Variants in CSMD1 observed in about 807,000 individuals in gnomAD.
The protein encoded by CSMD1 is CUB and sushi domain-containing protein 1.
A neutral mutation model predicts 417.5 loss-of-function variants in CSMD1; 213 were observed. That is an observed-to-expected ratio of 0.51 (90% confidence interval 0.46 to 0.57). The LOEUF is 0.57. Ranked by LOEUF, CSMD1 falls within the 20% of genes least tolerant of loss-of-function variation. The pLI, the probability that CSMD1 is intolerant of heterozygous loss-of-function variation, is 0.00. For synonymous variants in CSMD1, 2,862 were observed against 1,736.8 expected, an observed-to-expected ratio of 1.65 and a Z score of -16.11; for missense variants, 6,923 against 4,529.7, an observed-to-expected ratio of 1.53 and a Z score of -15.17.
intron 6 of CSMD1, among the ~76,000 whole-genome samples, chr8:3,752,738 C>G (rs1010803090): frequency 2.1e-5 from 3 of 145,336 alleles, no homozygotes; most frequent in African/African-American, 7.7e-5. Flanking sequence ...CCCCTGGATT[C>G]TGAGGCAGGA....
chr8:3,567,782 G>A (rs1171993728), intron 10 of CSMD1, among the ~76,000 whole-genome samples: 3 of 152,028 alleles, frequency 2.0e-5, no homozygotes, highest in Admixed American at 6.6e-5. Flanking sequence ...CACACCCTCT[G>A]CTACTTGCCT....
In CSMD1 at chr8:3,307,712, G is replaced by T. The variant is rs1197326468; in HGVS notation, c.3933C>A (p.Asp1311Glu). The T allele has an allele frequency of 3.7e-6, 6 of 1,613,388 alleles. No individual in the cohort carries two copies. The highest frequency in any genetic ancestry group is 4.2e-6 in the Non-Finnish European group (5 of 1,179,634). ...NLHCTWIIEA[D>E]PGKTISLHFI... ...ACAAGTACCTAATGGTCTTTCCTGG[G>T]TCTGCCTCTATAATCCAGGTGCAGT... The change falls in exon 25 of 70, where the codon GAC (aspartate) becomes GAA (glutamate). Residue 1311 changes from aspartate (D) to glutamate (E), a missense_variant. By Grantham distance (45) the Asp-to-Glu change is conservative. Coordinates refer to ENST00000635120, the MANE Select transcript of CSMD1 (RefSeq NM_033225.6).
At chr8:3,754,463 T>G (rs1026316991) in intron 5 of CSMD1, among the ~76,000 whole-genome samples, 2 of 151,758 alleles carry the variant, frequency 1.3e-5, no homozygotes, top group Admixed American at 6.6e-5. Flanking sequence ...TTTATTTATT[T>G]ATTTATTTTG....
chr8:4,736,236 A>G (rs964778329), intron 1 of CSMD1, among the ~76,000 whole-genome samples: 1 of 152,202 alleles, frequency 6.6e-6, no homozygotes, highest in African/African-American at 2.4e-5. Context: ...AAATTTAAAA[A>G]GAGACGTAAA....
chr8:3,511,450 A>G (rs985434934), intron 10 of CSMD1, among the ~76,000 whole-genome samples: 4 of 151,722 alleles, frequency 2.6e-5, no homozygotes, highest in Non-Finnish European at 4.4e-5. Context: ...AAAGAAGAGA[A>G]GGTTTACTCA....
Position 3,470,792 on chromosome 8 carries a change from T to A in CSMD1, c.1449-1968A>T, listed in dbSNP as rs79655580. 1.5e-3 allele frequency among the ~76,000 whole-genome samples: 235 copies of A among 152,342 alleles called. 6 individuals are homozygous for A. In the East Asian group the frequency reaches 0.038, roughly 25 times the overall value. On this transcript the variant is annotated intron_variant, in intron 11 of 69. Transcript: ENST00000635120. ...AATCACAGTGTTTAACAACCTGGGA[T>A]TGGATTTTACTTAGCTTAATTCCTG...
At chr8:4,920,971 AAAG>A (rs746882135) in intron 1 of CSMD1, among the ~76,000 whole-genome samples, 12,524 of 24,102 alleles carry the variant, frequency 0.52, 2,383 homozygotes, top group Non-Finnish European at 0.57. Context: ...AGAAAGAAAG[AAAG>A]AAAGAAACAA....
intron 7 of CSMD1, among the ~76,000 whole-genome samples, chr8:3,666,239 G>A (rs922131118): frequency 1.3e-5 from 2 of 151,536 alleles, no homozygotes; most frequent in African/African-American, 4.8e-5. Flanking sequence ...ACACTGGTGA[G>A]ACTTTCCATT....
At chr8:4,440,167 T>C (rs1798385564) in intron 2 of CSMD1, among the ~76,000 whole-genome samples, 1 of 152,194 alleles carries the variant, frequency 6.6e-6, no homozygotes, top group Non-Finnish European at 1.5e-5. Flanking sequence ...GACGTTTCTT[T>C]CTAGATTAAT....
At chr8:3,923,322 A>T (rs558722419) in intron 5 of CSMD1, among the ~76,000 whole-genome samples, 3 of 152,146 alleles carry the variant, frequency 2.0e-5, no homozygotes, top group Non-Finnish European at 4.4e-5. Context: ...ATGTATGTAT[A>T]TATACACATA....
chr8:3,575,619 A>G (rs905577751), intron 9 of CSMD1, among the ~76,000 whole-genome samples: 2 of 152,240 alleles, frequency 1.3e-5, no homozygotes, highest in African/African-American at 2.4e-5. Flanking sequence ...TTTAGATTCT[A>G]TTCTACAATA....
intron 1 of CSMD1, among the ~76,000 whole-genome samples, chr8:4,748,526 C>G (rs183598138): frequency 2.6e-5 from 4 of 152,024 alleles, no homozygotes; most frequent in Admixed American, 6.5e-5. Context: ...TGTAACTGTT[C>G]GTGAAACGGT....
At position 2,969,847 on chromosome 8, in the gene CSMD1, C is replaced by T. The variant is rs562851396; in HGVS notation, c.8924-3101G>A. On this transcript the variant is annotated intron_variant, in intron 57 of 69. Coordinates refer to ENST00000635120, the MANE Select transcript of CSMD1 (RefSeq NM_033225.6). ...AGTCACTGATTTTATGACTTTTATA[C>T]ATAATTTGTTGCCTTATTGGGTGTA... 5.9e-5 allele frequency among the ~76,000 whole-genome samples: 9 copies of T among 152,274 alleles called. No individual in the cohort carries two copies. The South Asian group carries it at 1.7e-3, about 28-fold the overall frequency.
rs552593254 is a variant in CSMD1, at chr8:4,204,626, G to C, written c.416-172527C>G. Among the ~76,000 whole-genome samples the C allele has an allele frequency of 3.3e-5, 5 of 152,182 alleles. No homozygotes were observed. In the South Asian group the frequency reaches 1.0e-3, roughly 32 times the overall value. On this transcript the variant is annotated intron_variant, in intron 3 of 69. Coordinates refer to ENST00000635120, the MANE Select transcript of CSMD1 (RefSeq NM_033225.6). ...ATAAAAGTGTGTAAGGAGACAGTAG[G>C]CAACAAGCCTAAATTATTTTATAAA...
At chr8:3,279,578 C>G (rs1251473637) in intron 26 of CSMD1, among the ~76,000 whole-genome samples, 2 of 151,948 alleles carry the variant, frequency 1.3e-5, no homozygotes, top group Non-Finnish European at 1.5e-5. Flanking sequence ...TTTGGAAATT[C>G]TAGGAAGAAG....
chr8:3,306,419 C>G (rs1342692853), intron 25 of CSMD1, among the ~76,000 whole-genome samples: 3 of 152,240 alleles, frequency 2.0e-5, no homozygotes, highest in Admixed American at 2.0e-4. Flanking sequence ...AGTGATCCAC[C>G]CACCTCGGCC....
At chr8:3,005,100 C>T (rs548789637) in intron 52 of CSMD1, among the ~76,000 whole-genome samples, 83 of 152,306 alleles carry the variant, frequency 5.4e-4, no homozygotes, top group Non-Finnish European at 6.3e-4. Context: ...GATTGCACCA[C>T]TGCACTCCAG....
chr8:3,205,568 G>T lies in CSMD1; in HGVS notation c.4920C>A (p.Asn1640Lys), dbSNP rs761371319. 16 of 1,601,882 alleles carry T rather than the reference G, an allele frequency of 1.0e-5. No individual in the cohort carries two copies. The Admixed American group carries it at 2.7e-4, about 27-fold the overall frequency. The change falls in exon 31 of 70, where the codon AAC (asparagine) becomes AAA (lysine). Residue 1640 changes from asparagine to lysine, a missense_variant. Coordinates refer to ENST00000635120, the MANE Select transcript of CSMD1 (RefSeq NM_033225.6). ...GACCAGCTGTGTAATTATGGGGGTAGTTTGGTGATAAAACTACCCCTTCTG... is the reference window on the plus strand; with the variant it reads ...GACCAGCTGTGTAATTATGGGGGTATTTTGGTGATAAAACTACCCCTTCTG... ...TGSEGVVLSP[N>K]YPHNYTAGQI...
intron 1 of CSMD1, among the ~76,000 whole-genome samples, chr8:4,927,132 C>G (rs147751254): frequency 0.01 from 1,508 of 145,526 alleles, 21 homozygotes; most frequent in African/African-American, 0.029. Flanking sequence ...TTAAGATAGA[C>G]ACTCACTCTG....
Sources: gnomAD v4.1 joint callset for allele counts (sites outside exome capture counted in the v4.1 genomes callset) on GRCh38, gnomAD v4.1.1 for gene constraint, MANE v1.5 for transcripts, NCBI Gene and HGNC (gene_info 2026-07-23, HGNC 2026-07-21) for gene names.